Variants in AGPAT4 observed in about 807,000 individuals in gnomAD.
AGPAT4 encodes 1-acylglycerol-3-phosphate O-acyltransferase 4.
AGPAT4 carries 15 observed loss-of-function variants against 48.0 expected under a neutral mutation model. The ratio of observed to expected loss-of-function variants is 0.31; its 90% CI spans 0.21 to 0.48. AGPAT4 has a LOEUF of 0.48. Among genes scored for constraint, AGPAT4 ranks in the 20% least tolerant of loss-of-function variants. AGPAT4 has a pLI of 0.99. For missense variants in AGPAT4, 314 were observed against 482.5 expected (o/e 0.65, Z 3.27); for synonymous variants, 178 against 198.7 (o/e 0.90, Z 0.88).
At chr6:161,157,888 A>T (rs146590027) in intron 3 of AGPAT4, among the ~76,000 whole-genome samples, 1 of 152,166 alleles carries the variant, frequency 6.6e-6, no homozygotes, top group Non-Finnish European at 1.5e-5. Context: ...AAGACACCCA[A>T]TCCTTCTGAG....
rs1342384786 is a variant in AGPAT4 at position 161,155,575 on chromosome 6, T to C, written c.349-1265A>G. 6.6e-6 allele frequency among the ~76,000 whole-genome samples: 1 copy of C among 152,198 alleles called. No homozygotes were observed. The highest frequency in any genetic ancestry group is 2.4e-5 in the African/African-American group (1 of 41,452). Reference sequence around the variant, plus strand: ...ACCCTACTTTAAAAAAACAAGAAACTTCTTCCCTCACATGGGATAGAAAAG... The same window carrying C: ...ACCCTACTTTAAAAAAACAAGAAACCTCTTCCCTCACATGGGATAGAAAAG... On this transcript the variant is annotated intron_variant, in intron 3 of 8. Transcript: ENST00000320285. This position sits in a 1 kb window ranked among gnomAD's most constrained non-coding sequence, Gnocchi z 5.8.
Position 161,233,426 on chromosome 6 carries a change from A to G in AGPAT4, c.-89-1124T>C, listed in dbSNP as rs1782183248. ...ATGTTACGACAAACTTTCTAACAAT[A>G]ATAGTTGAGAGGCCCTAAAATTGTT... is the stretch of plus-strand genomic sequence containing the variant. On this transcript the variant is annotated intron_variant, in intron 1 of 8. Transcript: ENST00000320285. The surrounding 1 kb of genome is among the most constrained non-coding windows in gnomAD (Gnocchi z 5.4). 6.6e-6 allele frequency among the ~76,000 whole-genome samples: 1 copy of G among 152,218 alleles called. No individual in the cohort carries two copies. The highest frequency in any genetic ancestry group is 1.5e-5 in the Non-Finnish European group (1 of 68,042).
rs1354246076 is a variant in AGPAT4, at chr6:161,249,915, T to C, written c.-89-17613A>G. On this transcript the variant is annotated intron_variant, in intron 1 of 8. Transcript: ENST00000320285. The surrounding 1 kb of genome is among the most constrained non-coding windows in gnomAD (Gnocchi z 6.2). ...TCACAGCTATTCACTATTGCAGCTATTCACAATAGCAAAGACATGAAATCA... is the reference window on the plus strand; with the variant it reads ...TCACAGCTATTCACTATTGCAGCTACTCACAATAGCAAAGACATGAAATCA... Among the ~76,000 whole-genome samples the C allele has an allele frequency of 3.9e-5, 6 of 152,220 alleles. No individual in the cohort carries two copies. The highest frequency in any genetic ancestry group is 3.3e-4 in the Admixed American group (5 of 15,282).
rs1418371772 is a variant in AGPAT4, at chr6:161,235,499, C to T, written c.-89-3197G>A. Among the ~76,000 whole-genome samples, 2 of 152,058 alleles carry T rather than the reference C, an allele frequency of 1.3e-5. No homozygotes were observed. The highest frequency in any genetic ancestry group is 6.5e-5 in the Admixed American group (1 of 15,274). The stretch of plus-strand genomic sequence containing the variant: ...ACGTCTTAAGTTCATTCCAGATAGA[C>T]GTTTTGGGGACCCATCTGGATTAGT... On this transcript the variant is annotated intron_variant, in intron 1 of 8. Coordinates refer to ENST00000320285, the MANE Select transcript of AGPAT4 (RefSeq NM_020133.3). The surrounding 1 kb of genome is among the most constrained non-coding windows in gnomAD (Gnocchi z 6.2).
Position 161,169,661 on chromosome 6 carries a change from T to C in AGPAT4, c.179-3244A>G, listed in dbSNP as rs1780209194. 1.3e-5 allele frequency among the ~76,000 whole-genome samples: 2 copies of C among 152,194 alleles called. No homozygotes were observed. The highest frequency in any genetic ancestry group is 2.4e-5 in the African/African-American group (1 of 41,442). ...CATTTTCTTAATCAAATGATTTCAC[T>C]TCTTTTTTAATTCACAGAAACACAT... On this transcript the variant is annotated intron_variant, in intron 2 of 8. Transcript: ENST00000320285. This position sits in a 1 kb window ranked among gnomAD's most constrained non-coding sequence, Gnocchi z 5.0.
intron 5 of AGPAT4, among the ~76,000 whole-genome samples, chr6:161,150,459 T>C (rs1051423540): frequency 1.3e-5 from 2 of 152,280 alleles, no homozygotes; most frequent in African/African-American, 4.8e-5. Flanking sequence ...TTTACATATG[T>C]GCAAGTATTA....
chr6:161,250,839 T>C (rs904382157), intron 1 of AGPAT4, among the ~76,000 whole-genome samples: 1 of 152,222 alleles, frequency 6.6e-6, no homozygotes, highest in South Asian at 2.1e-4. Context: ...TTATACAGTC[T>C]TACATTAAAC....
At chr6:161,170,675 TTC>T (rs1400748319) in intron 2 of AGPAT4, among the ~76,000 whole-genome samples, 40 of 152,340 alleles carry the variant, frequency 2.6e-4, no homozygotes, top group African/African-American at 8.7e-4. Context: ...AGCCAGAGCC[TTC>T]TCTCTACAGC....
chr6:161,189,392 G>A lies in AGPAT4; in HGVS notation c.179-22975C>T, dbSNP rs550116926. Among the ~76,000 whole-genome samples, 4 of 152,234 alleles carry A rather than the reference G, an allele frequency of 2.6e-5. No individual in the cohort carries two copies. The highest frequency in any genetic ancestry group is 5.9e-5 in the Non-Finnish European group (4 of 68,050). ...GGCACGAACAGGATGGAGGAGCAGG[G>A]AAGAGGAGGAAGGCATTGAGGAATC... is the stretch of plus-strand genomic sequence containing the variant. On this transcript the variant is annotated intron_variant, in intron 2 of 8. Coordinates refer to ENST00000320285, the MANE Select transcript of AGPAT4 (RefSeq NM_020133.3). The surrounding 1 kb of genome is among the most constrained non-coding windows in gnomAD (Gnocchi z 5.3).
In AGPAT4 at chr6:161,149,439, A is replaced by ACATTCAG; in HGVS notation, c.665-151_665-150insCTGAATG. 1.6e-6 allele frequency: 1 copy of ACATTCAG among 623,650 alleles called. No individual in the cohort carries two copies. The highest frequency in any genetic ancestry group is 2.6e-6 in the Non-Finnish European group (1 of 379,250). 38.6% of individuals were successfully genotyped at this position (623,650 alleles called of 1,614,324 possible). On this transcript the variant is annotated intron_variant, in intron 5 of 8. Transcript: ENST00000320285. This position sits in a 1 kb window ranked among gnomAD's most constrained non-coding sequence, Gnocchi z 6.5. ...ATTTCTTTCTTTCTATATGGTCCACATGTTCTACACTGAATGTGTATTATC... is the reference window on the plus strand; with the variant it reads ...ATTTCTTTCTTTCTATATGGTCCACACATTCAGTGTTCTACACTGAATGTGTATTATC...
rs1281937751 is a variant in AGPAT4, at chr6:161,267,381, AGAG to A, written c.-90+6554_-90+6556del. On this transcript the variant is annotated intron_variant, in intron 1 of 8. Coordinates refer to ENST00000320285, the MANE Select transcript of AGPAT4 (RefSeq NM_020133.3). This position sits in a 1 kb window ranked among gnomAD's most constrained non-coding sequence, Gnocchi z 5.2. Reference sequence around the variant, plus strand: ...TTAACAACTGGGATGAAAGGCATGCAGAGGTCTACACGGTAGAGATTTGTTCAT... The same window carrying A: ...TTAACAACTGGGATGAAAGGCATGCAGTCTACACGGTAGAGATTTGTTCAT... Among the ~76,000 whole-genome samples the A allele has an allele frequency of 2.0e-5, 3 of 151,992 alleles. No individual in the cohort carries two copies. The highest frequency in any genetic ancestry group is 1.3e-4 in the Admixed American group (2 of 15,262).
chr6:161,253,133 A>C (rs1007942767), intron 1 of AGPAT4, among the ~76,000 whole-genome samples: 1 of 150,800 alleles, frequency 6.6e-6, no homozygotes, highest in Non-Finnish European at 1.5e-5. Flanking sequence ...GAATCTCTTG[A>C]ACCCCGGAGG....
At chr6:161,252,512 C>T (rs1416556340) in intron 1 of AGPAT4, among the ~76,000 whole-genome samples, 4 of 152,132 alleles carry the variant, frequency 2.6e-5, no homozygotes, top group Admixed American at 6.5e-5. Flanking sequence ...AGCAATTTTG[C>T]TTCTTCTAGA....
rs1469377076 is a variant in AGPAT4, at chr6:161,177,323, T to C, written c.179-10906A>G. 6.6e-6 allele frequency among the ~76,000 whole-genome samples: 1 copy of C among 152,224 alleles called. No homozygotes were observed. Among genetic ancestry groups the C allele is most frequent in the Admixed American group, 6.5e-5 (1 of 15,280 alleles). On this transcript the variant is annotated intron_variant, in intron 2 of 8. Transcript: ENST00000320285. This position sits in a 1 kb window ranked among gnomAD's most constrained non-coding sequence, Gnocchi z 5.0. ...TCTTTTCACATAGTCCCATATTTCT[T>C]GGAGGCTTTGTTTGTTTCTTTTTAC...
In AGPAT4 at chr6:161,177,642, T is replaced by C. The variant is rs1195746423; in HGVS notation, c.179-11225A>G. 6.6e-6 allele frequency among the ~76,000 whole-genome samples: 1 copy of C among 152,258 alleles called. No homozygotes were observed. The highest frequency in any genetic ancestry group is 2.4e-5 in the African/African-American group (1 of 41,470). ...TTATTACTGATCGTCTGAAGCCTTC[T>C]TTTCTCAACATGTCAAAGTCATTCT... is the stretch of plus-strand genomic sequence containing the variant. On this transcript the variant is annotated intron_variant, in intron 2 of 8. Transcript: ENST00000320285. This position sits in a 1 kb window ranked among gnomAD's most constrained non-coding sequence, Gnocchi z 5.0.
Position 161,164,917 on chromosome 6 carries a change from T to G in AGPAT4, c.348+1331A>C, listed in dbSNP as rs1212201958. On this transcript the variant is annotated intron_variant, in intron 3 of 8. Transcript: ENST00000320285. This position sits in a 1 kb window ranked among gnomAD's most constrained non-coding sequence, Gnocchi z 7.4. ...CACCAGCTGCCTCTAAACTACAGTT[T>G]GAATTCCAGGAGACGCTGGCACCTC... 6.6e-6 allele frequency among the ~76,000 whole-genome samples: 1 copy of G among 152,188 alleles called. No homozygotes were observed. Among genetic ancestry groups the G allele is most frequent in the Non-Finnish European group, 1.5e-5 (1 of 68,036 alleles).
Position 161,165,052 on chromosome 6 carries a change from G to A in AGPAT4, c.348+1196C>T, listed in dbSNP as rs1476232670. Among the ~76,000 whole-genome samples, 1 of 152,108 alleles carries A rather than the reference G, an allele frequency of 6.6e-6. No homozygotes were observed. The highest frequency in any genetic ancestry group is 2.4e-5 in the African/African-American group (1 of 41,406). ...AGAAGAACCCTGCCATTCACCCCTG[G>A]TATCCATGACGGGGTTAGGACCATG... On this transcript the variant is annotated intron_variant, in intron 3 of 8. Coordinates refer to ENST00000320285, the MANE Select transcript of AGPAT4 (RefSeq NM_020133.3). The surrounding 1 kb of genome is among the most constrained non-coding windows in gnomAD (Gnocchi z 5.5).
In AGPAT4 at chr6:161,144,937, C is replaced by T. The variant is rs4616970; in HGVS notation, c.843+1587G>A. Among the ~76,000 whole-genome samples the T allele has an allele frequency of 2.0e-5, 3 of 151,348 alleles. No homozygotes were observed. Among genetic ancestry groups the T allele is most frequent in the Admixed American group, 6.6e-5 (1 of 15,252 alleles). On this transcript the variant is annotated intron_variant, in intron 7 of 8. Transcript: ENST00000320285. This position sits in a 1 kb window ranked among gnomAD's most constrained non-coding sequence, Gnocchi z 6.6. ...CAGAGCTTGCAGTGAGCCGAGATCGCGCCACTGCACTCCAGCCTGGGAGAC... is the reference window on the plus strand; with the variant it reads ...CAGAGCTTGCAGTGAGCCGAGATCGTGCCACTGCACTCCAGCCTGGGAGAC...
intron 1 of AGPAT4, among the ~76,000 whole-genome samples, chr6:161,237,941 G>T (rs1332627372): frequency 6.6e-6 from 1 of 152,006 alleles, no homozygotes; most frequent in Non-Finnish European, 1.5e-5. Context: ...CACAGGGTTG[G>T]CATGCTCTAT....
Sources: gnomAD v4.1 joint callset for allele counts (sites outside exome capture counted in the v4.1 genomes callset) on GRCh38, gnomAD v4.1.1 for gene constraint, Gnocchi (gnomAD v3.1) non-coding constraint, MANE v1.5 for transcripts, NCBI Gene and HGNC (gene_info 2026-07-23, HGNC 2026-07-21) for gene names.